The following KCTD19 variants were observed in gnomAD, a reference collection of about 807,000 sequenced individuals.
KCTD19 encodes the protein BTB/POZ domain-containing protein KCTD19.
KCTD19 carries 67 observed loss-of-function variants against 103.5 expected under a neutral mutation model. The observed-to-expected ratio is 0.65, with a 90% CI of 0.53 to 0.79. The LOEUF is 0.79. Ranked by LOEUF, KCTD19 falls within the 30% of genes least tolerant of loss-of-function variation. KCTD19 has a pLI of 0.00. For missense variants in KCTD19, 980 were observed against 1,136.1 expected (o/e 0.86, Z 1.98); for synonymous variants, 439 against 452.2 (o/e 0.97, Z 0.37).
Position 67,291,796 on chromosome 16 carries a change from C to G in KCTD19, c.2260G>C (p.Val754Leu), listed in dbSNP as rs772629445. The G allele has an allele frequency of 6.2e-7, 1 of 1,613,264 alleles. No homozygotes were observed. The highest frequency in any genetic ancestry group is 8.5e-7 in the Non-Finnish European group (1 of 1,179,582). Reference protein sequence around the residue: ...PEQPLPEASEVDSLGVILKVT... With the variant: ...PEQPLPEASELDSLGVILKVT... ...TTGAGGATAACCCCTAGGCTGTCCA[C>G]CTCACTGGCCTCGGGCAGAGGCTGC... is the stretch of plus-strand genomic sequence containing the variant. Residue 754 changes from valine to leucine, a missense_variant, in exon 13 of 16, where the codon GTG becomes CTG. Physicochemically the swap from Val to Leu is conservative, Grantham distance 32. Coordinates refer to ENST00000304372, the MANE Select transcript of KCTD19 (RefSeq NM_001100915.3).
At chr16:67,299,303 C>G (rs977066226) in intron 6 of KCTD19, 60 bp downstream of exon 6, 5 of 1,519,294 alleles carry the variant, frequency 3.3e-6, no homozygotes, top group Admixed American at 3.4e-5. Flanking sequence ...CAGGTTATTC[C>G]TAGAGGGAAG....
intron 1 of KCTD19, among the ~76,000 whole-genome samples, chr16:67,324,223 C>A (rs1049616834): frequency 2.6e-5 from 4 of 151,930 alleles, no homozygotes; most frequent in Admixed American, 1.3e-4. Context: ...TTTATCAATA[C>A]GATGGAAAAG....
intron 2 of KCTD19, among the ~76,000 whole-genome samples, chr16:67,308,691 C>T (rs2036919650): frequency 6.6e-6 from 1 of 152,160 alleles, no homozygotes; most frequent in African/African-American, 2.4e-5. Flanking sequence ...TTCCCACAGA[C>T]ACTCAACACT....
chr16:67,307,081 T>G (rs1452621713), intron 2 of KCTD19, among the ~76,000 whole-genome samples: 1 of 152,156 alleles, frequency 6.6e-6, no homozygotes, highest in Admixed American at 6.5e-5. Context: ...ATTTTTGGGG[T>G]ACATGTGATA....
In KCTD19 at chr16:67,299,537, G is replaced by A. The variant is rs775487609; in HGVS notation, c.812C>T (p.Pro271Leu). 13 of 1,613,856 alleles carry A rather than the reference G, an allele frequency of 8.1e-6. No homozygotes were observed. Among genetic ancestry groups the A allele is most frequent in the Non-Finnish European group, 1.0e-5 (12 of 1,179,998 alleles). Reference sequence around the variant, plus strand: ...GCTGGCTGTGCGGGCCCCCTTCCCGGGGCTCAGGGGAGAACAGGTGGTCGG... The same window carrying A: ...GCTGGCTGTGCGGGCCCCCTTCCCGAGGCTCAGGGGAGAACAGGTGGTCGG... Reference protein sequence around the residue: ...CSPTTCSPLSPGKGARTASLE... With the variant: ...CSPTTCSPLSLGKGARTASLE... Residue 271 changes from proline to leucine, a missense_variant, in exon 6 of 16, where the codon CCC becomes CTC. Coordinates refer to ENST00000304372, the MANE Select transcript of KCTD19 (RefSeq NM_001100915.3).
At chr16:67,324,551 G>A (rs1181130282) in intron 1 of KCTD19, among the ~76,000 whole-genome samples, 1 of 152,178 alleles carries the variant, frequency 6.6e-6, no homozygotes, top group African/African-American at 2.4e-5. Context: ...GATATATGGT[G>A]CTCACTGTAC....
chr16:67,326,367 A>T (rs1263412973), intron 1 of KCTD19, among the ~76,000 whole-genome samples: 1 of 151,722 alleles, frequency 6.6e-6, no homozygotes, highest in Non-Finnish European at 1.5e-5. Context: ...CCAATCCTTC[A>T]GATTTGGATC....
chr16:67,317,645 A>G (rs1033962550), intron 2 of KCTD19, among the ~76,000 whole-genome samples: 2 of 152,206 alleles, frequency 1.3e-5, no homozygotes, highest in Admixed American at 6.5e-5. Context: ...AATACTTTGA[A>G]TATACAGTTA....
At chr16:67,291,131 G>T in intron 14 of KCTD19, 145 bp from the exon 15 acceptor site, 2 of 1,179,712 alleles carry the variant, frequency 1.7e-6, no homozygotes, top group Non-Finnish European at 2.4e-6. Context: ...CTTGGCCGAG[G>T]CTCAGTCCAG....
Position 67,319,079 on chromosome 16 carries a change from C to A in KCTD19, c.300+1510G>T, listed in dbSNP as rs1032301286. ...CTCTACTACAAATACAAAAATTAGC[C>A]AGGAGTGGTGGCGGGTGCTTGTAAT... On this transcript the variant is annotated intron_variant, in intron 2 of 15. Transcript: ENST00000304372. Among the ~76,000 whole-genome samples the A allele has an allele frequency of 5.9e-5, 9 of 152,022 alleles. No homozygotes were observed. In the South Asian group the frequency reaches 1.9e-3, roughly 32 times the overall value.
At chr16:67,296,765 T>C (rs540768560) in intron 7 of KCTD19, among the ~76,000 whole-genome samples, 3 of 152,312 alleles carry the variant, frequency 2.0e-5, no homozygotes, top group Non-Finnish European at 2.9e-5. Flanking sequence ...TTCCTGGAGA[T>C]GACTATATGT....
In KCTD19 at chr16:67,293,823, A is replaced by G. The variant is rs2036730118; in HGVS notation, c.1939T>C (p.Cys647Arg). 1 of 1,613,608 alleles carries G rather than the reference A, an allele frequency of 6.2e-7. No homozygotes were observed. The highest frequency in any genetic ancestry group is 8.5e-7 in the Non-Finnish European group (1 of 1,180,014). ...AGTGGCTGGAATTCCCACTGTTTGC[A>G]ATTGACCATGTCCCATTCTCTCACC... ...SLVREWDMVN[C>R]KQWEFQPLTA... Residue 647 changes from cysteine (C) to arginine (R), a missense_variant, in exon 12 of 16, where the codon TGC becomes CGC. Cys to Arg is a radical substitution (Grantham distance 180). Transcript: ENST00000304372. The surrounding 1 kb of genome is among the most constrained non-coding windows in gnomAD (Gnocchi z 4.0).
At position 67,305,502 on chromosome 16, in the gene KCTD19, C is replaced by T. The variant is rs577801738; in HGVS notation, c.301-931G>A. 120 of 407,294 alleles carry T rather than the reference C, an allele frequency of 2.9e-4. 1 individual carries two copies. The highest frequency in any genetic ancestry group is 2.3e-3 in the African/African-American group (110 of 47,488). 25.2% of individuals were successfully genotyped at this position (407,294 alleles called of 1,614,324 possible). A position where few individuals can be genotyped will look rare whatever the true frequency, so the allele number is the denominator to read the frequency against. On this transcript the variant is annotated intron_variant, in intron 2 of 15. Transcript: ENST00000304372. The stretch of plus-strand genomic sequence containing the variant: ...GAGCTTGTCAGCTTGAAGGATCAGG[C>T]GACCAGAGGTGGGCTGAGGCTGGAG...
rs1241108304 is a variant in KCTD19, at chr16:67,301,717, G to A, written c.775+74C>T. 11 of 1,409,076 alleles carry A rather than the reference G, an allele frequency of 7.8e-6. No homozygotes were observed. In the Admixed American group the frequency reaches 1.1e-4, roughly 14 times the overall value. The allele number at this position is 1,409,076 out of a possible 1,614,324, so 87.3% of individuals were successfully genotyped here. A position where few individuals can be genotyped will look rare whatever the true frequency, so the allele number is the denominator to read the frequency against. On this transcript the variant is annotated intron_variant, in intron 5 of 15. Coordinates refer to ENST00000304372, the MANE Select transcript of KCTD19 (RefSeq NM_001100915.3). ...CCCAAAGCCCGAAGTGATTGTGGGAGGGAAGATTGTTCTTGGCTTTTCCAG... is the reference window on the plus strand; with the variant it reads ...CCCAAAGCCCGAAGTGATTGTGGGAAGGAAGATTGTTCTTGGCTTTTCCAG...
intron 7 of KCTD19, among the ~76,000 whole-genome samples, chr16:67,296,859 A>C (rs2036770819): frequency 6.6e-6 from 1 of 152,192 alleles, no homozygotes. Flanking sequence ...TATAACCAAG[A>C]GATAAGATGT....
chr16:67,294,265 C>G, intron 11 of KCTD19, 94 bp from the exon 12 acceptor site: 1 of 1,296,792 alleles, frequency 7.7e-7, no homozygotes. Flanking sequence ...CAAGACTTCA[C>G]TTGCTCTCCC....
intron 2 of KCTD19, chr16:67,305,670 C>T (rs1427492489): frequency 2.2e-5 from 10 of 449,840 alleles, no homozygotes; most frequent in South Asian, 7.9e-5. Context: ...TCTGTCTTTA[C>T]GCTAGAAGAA....
chr16:67,305,043 G>A (rs933336530), intron 2 of KCTD19, among the ~76,000 whole-genome samples: 1 of 152,160 alleles, frequency 6.6e-6, no homozygotes, highest in East Asian at 1.9e-4. Flanking sequence ...AGGGTGACAT[G>A]CTGATATTCA....
chr16:67,307,611 T>G (rs1324522634), intron 2 of KCTD19, among the ~76,000 whole-genome samples: 1 of 152,066 alleles, frequency 6.6e-6, no homozygotes, highest in East Asian at 1.9e-4. Flanking sequence ...CCACCACGCC[T>G]GGCCGACAGC....
Sources: gnomAD v4.1 joint callset for allele counts (sites outside exome capture counted in the v4.1 genomes callset) on GRCh38, gnomAD v4.1.1 for gene constraint, Gnocchi (gnomAD v3.1) non-coding constraint, MANE v1.5 for transcripts, NCBI Gene and HGNC (gene_info 2026-07-23, HGNC 2026-07-21) for gene names.